NCAPG2: variants seen among roughly 807,000 people sequenced by gnomAD.
NCAPG2 encodes non-SMC condensin II complex subunit G2.
In NCAPG2, 53 loss-of-function variants were observed where a neutral mutation model predicts 141.1. The ratio of observed to expected loss-of-function variants is 0.38; its 90% CI spans 0.30 to 0.47. The LOEUF is 0.47. Among genes scored for constraint, NCAPG2 ranks in the 20% least tolerant of loss-of-function variants. The probability of loss-of-function intolerance (pLI) is 0.99; values close to 1 mark genes in which losing one functional copy is unlikely to be tolerated. For synonymous variants in NCAPG2, 499 were observed against 490.7 expected (o/e 1.02, Z -0.22); for missense variants, 1,087 against 1,389.0 (o/e 0.78, Z 3.46).
At chr7:158,675,226 G>T (rs1344572980) in intron 12 of NCAPG2, among the ~76,000 whole-genome samples, 2 of 152,152 alleles carry the variant, frequency 1.3e-5, no homozygotes, top group African/African-American at 4.8e-5. Flanking sequence ...AGAGACAAAA[G>T]AGAATAAATT....
chr7:158,679,860 C>G, intron 11 of NCAPG2, 100 bp downstream of exon 11: 1 of 1,441,020 alleles, frequency 6.9e-7, no homozygotes, highest in Non-Finnish European at 9.4e-7. Flanking sequence ...GAGCAGAGCT[C>G]TGGCGGTTAC....
At chr7:158,668,437 T>G (rs1833439668) in intron 13 of NCAPG2, 3 of 983,820 alleles carry the variant, frequency 3.0e-6, no homozygotes, top group Non-Finnish European at 3.6e-6. Flanking sequence ...GAGTTATTCT[T>G]TTTTTATAAA....
chr7:158,637,093 G>T (rs943364977), intron 27 of NCAPG2, among the ~76,000 whole-genome samples: 6 of 151,848 alleles, frequency 4.0e-5, no homozygotes, highest in African/African-American at 9.7e-5. Context: ...GACTACAGGC[G>T]CCCGCCACCA....
At chr7:158,658,627 C>G (rs1295436801) in intron 16 of NCAPG2, among the ~76,000 whole-genome samples, 1 of 152,124 alleles carries the variant, frequency 6.6e-6, no homozygotes, top group Non-Finnish European at 1.5e-5. Flanking sequence ...TAACATTTTA[C>G]TACTTTGCAA....
intron 9 of NCAPG2, among the ~76,000 whole-genome samples, chr7:158,681,530 G>C (rs1454725985): frequency 6.6e-6 from 1 of 152,118 alleles, no homozygotes; most frequent in South Asian, 2.1e-4. Flanking sequence ...GATTAAACAG[G>C]CTGTAAAAGA....
At chr7:158,639,142 C>G (rs1297228717) in intron 27 of NCAPG2, among the ~76,000 whole-genome samples, 1 of 151,928 alleles carries the variant, frequency 6.6e-6, no homozygotes, top group African/African-American at 2.4e-5. Context: ...GGGTCTCACT[C>G]TGTCACCCAG....
Position 158,675,518 on chromosome 7 carries a change from A to G in NCAPG2, c.1285T>C (p.Phe429Leu). The G allele has an allele frequency of 2.5e-6, 4 of 1,612,424 alleles. No homozygotes were observed. Among genetic ancestry groups the G allele is most frequent in the Non-Finnish European group, 3.4e-6 (4 of 1,179,730 alleles). ...LLKKVTGELA[F>L]DTSSADVRCS... The stretch of plus-strand genomic sequence containing the variant: ...CGAACATCAGCTGAGCTCGTGTCAA[A>G]TGCCAGTTCCCCAGTCACCTTCTTC... Residue 429 changes from phenylalanine (F) to leucine (L), a missense_variant, in exon 12 of 28, where the codon TTT becomes CTT. Physicochemically the swap from Phe to Leu is conservative, Grantham distance 22. Transcript: ENST00000356309.
intron 13 of NCAPG2, among the ~76,000 whole-genome samples, chr7:158,669,098 T>A (rs1048402881): frequency 6.6e-6 from 1 of 152,204 alleles, no homozygotes; most frequent in African/African-American, 2.4e-5. Context: ...AAGAACATGA[T>A]CTCGTTCCTT....
At chr7:158,692,802 C>T (rs1835211781) in intron 4 of NCAPG2, 40 bp downstream of exon 4, 1 of 1,115,326 alleles carries the variant, frequency 9.0e-7, no homozygotes, top group South Asian at 1.4e-5. Flanking sequence ...TATTTCAACA[C>T]CCACTTCTAA....
At chr7:158,669,017 C>T (rs985237074) in intron 13 of NCAPG2, among the ~76,000 whole-genome samples, 2 of 152,188 alleles carry the variant, frequency 1.3e-5, no homozygotes, top group Non-Finnish European at 1.5e-5. Context: ...TGAGAACATG[C>T]GGTATTTTGT....
intron 24 of NCAPG2, among the ~76,000 whole-genome samples, chr7:158,649,452 C>T (rs1227827240): frequency 6.6e-6 from 1 of 152,182 alleles, no homozygotes; most frequent in African/African-American, 2.4e-5. Flanking sequence ...CAAATGGGCA[C>T]AGCTATGTTC....
intron 11 of NCAPG2, 56 bp downstream of exon 11, chr7:158,679,904 C>T: frequency 1.3e-5 from 21 of 1,597,944 alleles, no homozygotes; most frequent in Non-Finnish European, 1.8e-5. Flanking sequence ...GCAGTACATG[C>T]CACAGCCTGG....
intron 23 of NCAPG2, 151 bp from the exon 24 acceptor site, chr7:158,651,123 T>G: frequency 2.6e-6 from 2 of 771,858 alleles, no homozygotes; most frequent in Admixed American, 3.8e-5. Flanking sequence ...GCCCACTACA[T>G]TCCACTCCCA....
intron 13 of NCAPG2, among the ~76,000 whole-genome samples, chr7:158,667,510 G>A (rs1833165100): frequency 1.9e-5 from 2 of 106,054 alleles, no homozygotes; most frequent in Admixed American, 9.7e-5. Flanking sequence ...CCACTACTGG[G>A]TCCCTCCGCC....
At chr7:158,690,841 T>G in intron 4 of NCAPG2, 119 bp from the exon 5 acceptor site, 2 of 874,720 alleles carry the variant, frequency 2.3e-6, no homozygotes, top group Non-Finnish European at 3.3e-6. Flanking sequence ...CAAATAATAT[T>G]AGTTATGTTT....
intron 27 of NCAPG2, among the ~76,000 whole-genome samples, chr7:158,643,466 T>G (rs1227179572): frequency 6.6e-6 from 1 of 152,236 alleles, no homozygotes; most frequent in African/African-American, 2.4e-5. Context: ...ATTGAGTTAC[T>G]GCGCCCAGCC....
chr7:158,648,022 G>A (rs1160132452), intron 24 of NCAPG2, among the ~76,000 whole-genome samples: 1 of 152,026 alleles, frequency 6.6e-6, no homozygotes, highest in Non-Finnish European at 1.5e-5. Context: ...CACTTCCTCT[G>A]CCAGGATTAT....
intron 13 of NCAPG2, among the ~76,000 whole-genome samples, chr7:158,668,912 C>T (rs761105955): frequency 7.9e-5 from 12 of 152,176 alleles, no homozygotes; most frequent in Admixed American, 5.2e-4. Context: ...CTGATGCTCT[C>T]CCTTCTCCTA....
rs141894985 is a variant in NCAPG2, at chr7:158,673,612, T to G, written c.1326+1865A>C. 2.6e-3 allele frequency among the ~76,000 whole-genome samples: 391 copies of G among 152,312 alleles called. 4 individuals are homozygous for G. Among genetic ancestry groups the G allele is most frequent in the African/African-American group, 8.9e-3 (368 of 41,564 alleles). ...CCCCAGGAGCACTTCCTAATCTGCA[T>G]GCTGTGGATAGTCTGAATCTCAGAG... On this transcript the variant is annotated intron_variant, in intron 12 of 27. Coordinates refer to ENST00000356309, the MANE Select transcript of NCAPG2 (RefSeq NM_017760.7).
Sources: gnomAD v4.1 joint callset for allele counts (sites outside exome capture counted in the v4.1 genomes callset) on GRCh38, gnomAD v4.1.1 for gene constraint, MANE v1.5 for transcripts, NCBI Gene and HGNC (gene_info 2026-07-23, HGNC 2026-07-21) for gene names.